The following EBF1 variants were observed in gnomAD, a reference collection of about 807,000 sequenced individuals.
The protein encoded by EBF1 is EBF transcription factor 1.
A neutral mutation model predicts 68.4 loss-of-function variants in EBF1; 10 were observed. The ratio of observed to expected loss-of-function variants is 0.15; its 90% CI spans 0.09 to 0.25. The LOEUF (loss-of-function observed/expected upper bound fraction) is 0.25, where lower values mean the gene tolerates loss of function less well. Among genes scored for constraint, EBF1 ranks in the 10% least tolerant of loss-of-function variants. The pLI, the probability that EBF1 is intolerant of heterozygous loss-of-function variation, is 1.00. For missense variants in EBF1, 509 were observed against 794.4 expected (o/e 0.64, Z 4.32); for synonymous variants, 298 against 299.8 (o/e 0.99, Z 0.06).
At chr5:159,004,277 C>CAA (rs34981790) in intron 6 of EBF1, among the ~76,000 whole-genome samples, 14 of 120,618 alleles carry the variant, frequency 1.2e-4, no homozygotes, top group East Asian at 2.7e-4. Context: ...ACTCCATCTC[C>CAA]AAAAAAAAAA....
At chr5:158,814,454 C>T (rs988647694) in intron 8 of EBF1, among the ~76,000 whole-genome samples, 5 of 152,228 alleles carry the variant, frequency 3.3e-5, no homozygotes, top group Non-Finnish European at 2.9e-5. Context: ...ACACACCACA[C>T]TTTGTGCTTA....
intron 6 of EBF1, chr5:158,941,119 G>C (rs941462180): frequency 4.7e-5 from 21 of 449,422 alleles, no homozygotes; most frequent in African/African-American, 4.2e-4. Flanking sequence ...GGGGTGGACA[G>C]AAAAAAGATG....
intron 8 of EBF1, among the ~76,000 whole-genome samples, chr5:158,810,480 C>G (rs1381159197): frequency 6.6e-6 from 1 of 152,120 alleles, no homozygotes; most frequent in African/African-American, 2.4e-5. Flanking sequence ...ATTTTTATTA[C>G]TTTGCCCCAA....
chr5:158,865,099 C>A (rs1032188351), intron 6 of EBF1, among the ~76,000 whole-genome samples: 1 of 152,134 alleles, frequency 6.6e-6, no homozygotes, highest in African/African-American at 2.4e-5. Flanking sequence ...TCAGAGAAAC[C>A]GGCCCACCTT....
chr5:158,971,002 A>G (rs1755538372), intron 6 of EBF1, among the ~76,000 whole-genome samples: 2 of 152,228 alleles, frequency 1.3e-5, no homozygotes, highest in Admixed American at 1.3e-4. Context: ...TCAAAGCACT[A>G]GAAAGTAGAT....
In EBF1 at chr5:158,783,487, T is replaced by C. The variant is rs555219119; in HGVS notation, c.910-5948A>G. 2.0e-5 allele frequency among the ~76,000 whole-genome samples: 3 copies of C among 152,340 alleles called. No individual in the cohort carries two copies. In the South Asian group the frequency reaches 6.2e-4, roughly 32 times the overall value. ...ACAATAAAAATGCATTAATACTATATTCATAAGAAATAATTTTTCTATGTG... is the reference window on the plus strand; with the variant it reads ...ACAATAAAAATGCATTAATACTATACTCATAAGAAATAATTTTTCTATGTG... On this transcript the variant is annotated intron_variant, in intron 9 of 15. Transcript: ENST00000313708.
At chr5:158,996,003 G>A (rs982044386) in intron 6 of EBF1, among the ~76,000 whole-genome samples, 6 of 152,062 alleles carry the variant, frequency 3.9e-5, no homozygotes, top group South Asian at 2.1e-4. Context: ...TGAGGATCTC[G>A]GCCCTGTTTC....
intron 6 of EBF1, among the ~76,000 whole-genome samples, chr5:158,906,112 T>C (rs985591845): frequency 5.3e-5 from 8 of 152,014 alleles, no homozygotes; most frequent in Admixed American, 2.6e-4. Flanking sequence ...GGTGGTTCGA[T>C]AGGGAAAGAG....
At chr5:159,035,142 A>G (rs1159264211) in intron 6 of EBF1, among the ~76,000 whole-genome samples, 2 of 152,100 alleles carry the variant, frequency 1.3e-5, no homozygotes, top group African/African-American at 4.8e-5. Flanking sequence ...AGAGAGAGAG[A>G]GAGAACGAGA....
intron 6 of EBF1, among the ~76,000 whole-genome samples, chr5:158,941,525 A>G (rs1813392442): frequency 6.6e-6 from 1 of 152,226 alleles, no homozygotes; most frequent in African/African-American, 2.4e-5. Flanking sequence ...TGAATTATCC[A>G]AACTTAACTG....
At chr5:158,960,276 A>G (rs982357266) in intron 6 of EBF1, among the ~76,000 whole-genome samples, 3 of 152,366 alleles carry the variant, frequency 2.0e-5, no homozygotes, top group East Asian at 1.9e-4. Context: ...TTATTCAAAA[A>G]TTGCCACTTA....
At chr5:158,902,916 G>A (rs115513886) in intron 6 of EBF1, among the ~76,000 whole-genome samples, 111 of 152,326 alleles carry the variant, frequency 7.3e-4, no homozygotes, top group Non-Finnish European at 1.1e-3. Flanking sequence ...ACTTTGCTGG[G>A]TAGAGCCAAA....
intron 6 of EBF1, among the ~76,000 whole-genome samples, chr5:158,979,071 T>C (rs1360293508): frequency 6.6e-6 from 1 of 151,926 alleles, no homozygotes; most frequent in Non-Finnish European, 1.5e-5. Flanking sequence ...TACCATCAGC[T>C]GGAATGTTTC....
At chr5:158,994,348 C>A (rs1760991202) in intron 6 of EBF1, among the ~76,000 whole-genome samples, 1 of 152,154 alleles carries the variant, frequency 6.6e-6, no homozygotes, top group African/African-American at 2.4e-5. Context: ...TTGCCCAAAC[C>A]CAGCAAGCAA....
intron 7 of EBF1, among the ~76,000 whole-genome samples, chr5:158,827,402 G>C (rs138160191): frequency 1.3e-5 from 2 of 152,086 alleles, no homozygotes; most frequent in East Asian, 1.9e-4. Context: ...ATATAATGTC[G>C]CTTTCTAGAC....
At position 158,697,144 on chromosome 5, in the gene EBF1, A is replaced by G. The variant is rs1252351910; in HGVS notation, c.*1967T>C. The G allele has an allele frequency of 1.0e-5, 2 of 193,646 alleles. No homozygotes were observed. The highest frequency in any genetic ancestry group is 6.1e-5 in the Admixed American group (1 of 16,378). 12.0% of individuals were successfully genotyped at this position (193,646 alleles called of 1,614,324 possible). A position where few individuals can be genotyped will look rare whatever the true frequency, so the allele number is the denominator to read the frequency against. On this transcript the variant is annotated 3_prime_UTR_variant, in exon 16 of 16. Coordinates refer to ENST00000313708, the MANE Select transcript of EBF1 (RefSeq NM_024007.5). ...TTTAATGCACAAAATGCGTCACTCCAAAGGGAGAGATTCCATGCATATTAA... is the reference window on the plus strand; with the variant it reads ...TTTAATGCACAAAATGCGTCACTCCGAAGGGAGAGATTCCATGCATATTAA...
At position 159,094,943 on chromosome 5, in the gene EBF1, T is replaced by G. The variant is rs572032958; in HGVS notation, c.411+677A>C. Among the ~76,000 whole-genome samples the G allele has an allele frequency of 2.0e-5, 3 of 152,316 alleles. No individual in the cohort carries two copies. In the East Asian group the frequency reaches 5.8e-4, roughly 29 times the overall value. ...TAAACCATAACTCAACCTTAATGTA[T>G]ACTGCTTGACACCCGCGTGTTGGGA... On this transcript the variant is annotated intron_variant, in intron 4 of 15. Transcript: ENST00000313708.
chr5:158,802,460 A>G (rs776349146), intron 8 of EBF1, among the ~76,000 whole-genome samples: 2 of 152,128 alleles, frequency 1.3e-5, no homozygotes, highest in African/African-American at 2.4e-5. Flanking sequence ...CATATGGTGT[A>G]GGAAAACGTG....
At chr5:159,070,128 C>T (rs80091073) in intron 6 of EBF1, among the ~76,000 whole-genome samples, 2,123 of 152,192 alleles carry the variant, frequency 0.014, 41 homozygotes, top group African/African-American at 0.049. Flanking sequence ...TGCTATTAAA[C>T]ATAACACATT....
Sources: allele counts gnomAD v4.1 joint callset (sites outside exome capture counted in the v4.1 genomes callset), GRCh38; gene constraint gnomAD v4.1.1; transcripts MANE v1.5; gene names NCBI Gene and HGNC (gene_info 2026-07-23, HGNC 2026-07-21).